Variants in PTPRZ1 observed in about 807,000 individuals in gnomAD.
The protein encoded by PTPRZ1 is receptor-type tyrosine-protein phosphatase zeta.
A neutral mutation model predicts 214.1 loss-of-function variants in PTPRZ1; 82 were observed. That is an observed-to-expected ratio of 0.38 (90% CI 0.32 to 0.46). The LOEUF (loss-of-function observed/expected upper bound fraction) is 0.46. Among genes scored for constraint, PTPRZ1 ranks in the 20% least tolerant of loss-of-function variants. PTPRZ1 has a pLI of 1.00. For missense variants in PTPRZ1, 2,603 were observed against 2,748.7 expected (o/e 0.95, Z 1.19); for synonymous variants, 945 against 987.9 (o/e 0.96, Z 0.81).
At chr7:122,033,679 C>A (rs546888928) in intron 15 of PTPRZ1, among the ~76,000 whole-genome samples, 340 of 151,844 alleles carry the variant, frequency 2.2e-3, no homozygotes, top group African/African-American at 7.6e-3. Flanking sequence ...TTTAAAGTAA[C>A]CCCCCAAAAA....
Position 122,010,751 on chromosome 7 carries a change from G to A in PTPRZ1, c.1705G>A (p.Glu569Lys). The A allele has an allele frequency of 6.2e-7, 1 of 1,614,032 alleles. No homozygotes were observed. Among genetic ancestry groups the A allele is most frequent in the Non-Finnish European group, 8.5e-7 (1 of 1,179,970 alleles). ...AAATACAGTTTCTATAACAGAATAT[G>A]AGGAGGAGAGTTTATTGACCAGTTT... is the stretch of plus-strand genomic sequence containing the variant. ...SLNTVSITEY[E>K]EESLLTSFKL... Residue 569 changes from glutamate to lysine, a missense_variant, in exon 12 of 30, where the codon GAG becomes AAG. Glu to Lys is a moderately conservative substitution (Grantham distance 56). Transcript: ENST00000393386.
intron 10 of PTPRZ1, among the ~76,000 whole-genome samples, chr7:121,998,777 A>G (rs1352000762): frequency 6.6e-6 from 1 of 152,200 alleles, no homozygotes. Flanking sequence ...ATGTATAATC[A>G]CATACATCTG....
intron 1 of PTPRZ1, among the ~76,000 whole-genome samples, chr7:121,895,643 A>G (rs552425989): frequency 6.6e-6 from 1 of 152,338 alleles, no homozygotes; most frequent in East Asian, 1.9e-4. Context: ...CTAGAAATAA[A>G]GATCTCTCAT....
intron 3 of PTPRZ1, among the ~76,000 whole-genome samples, chr7:121,968,639 T>C (rs1797118403): frequency 7.5e-6 from 1 of 132,662 alleles, no homozygotes; most frequent in Admixed American, 7.8e-5. Context: ...CCTATCTTTT[T>C]TTTTTTTTAA....
intron 23 of PTPRZ1, among the ~76,000 whole-genome samples, chr7:122,048,893 T>C (rs1792083093): frequency 6.6e-6 from 1 of 152,064 alleles, no homozygotes; most frequent in African/African-American, 2.4e-5. Context: ...AAATATAACT[T>C]TGATACCAAA....
intron 13 of PTPRZ1, among the ~76,000 whole-genome samples, chr7:122,023,718 A>AT (rs1799109666): frequency 7.5e-6 from 1 of 132,540 alleles, no homozygotes; most frequent in Non-Finnish European, 1.6e-5. Flanking sequence ...ATATAATTAT[A>AT]TATATTATAT....
At chr7:121,955,462 T>TTTG (rs1796674933) in intron 2 of PTPRZ1, among the ~76,000 whole-genome samples, 1 of 148,474 alleles carries the variant, frequency 6.7e-6, no homozygotes, top group Admixed American at 6.7e-5. Flanking sequence ...TGTTTGTTTG[T>TTTG]TTTGTTCTGC....
intron 1 of PTPRZ1, among the ~76,000 whole-genome samples, chr7:121,892,678 T>TCATATA (rs1448072042): frequency 9.9e-5 from 6 of 60,674 alleles, no homozygotes; most frequent in Non-Finnish European, 1.4e-4. Flanking sequence ...TTCAAGCATC[T>TCATATA]CATATATATA....
At chr7:121,884,926 A>G (rs1244743810) in intron 1 of PTPRZ1, among the ~76,000 whole-genome samples, 1 of 152,216 alleles carries the variant, frequency 6.6e-6, no homozygotes, top group Non-Finnish European at 1.5e-5. Flanking sequence ...GACCATTTGC[A>G]GTTGCATTCA....
intron 1 of PTPRZ1, among the ~76,000 whole-genome samples, chr7:121,917,306 G>A (rs1010779125): frequency 6.6e-6 from 1 of 152,174 alleles, no homozygotes; most frequent in Non-Finnish European, 1.5e-5. Context: ...TCATCAAAGT[G>A]TTTAATTTTT....
intron 23 of PTPRZ1, 93 bp from the exon 24 acceptor site, chr7:122,051,335 G>C (rs1792175413): frequency 3.8e-6 from 2 of 529,452 alleles, no homozygotes; most frequent in East Asian, 3.9e-5. Flanking sequence ...ATCTTGATTG[G>C]TGTGTGTGTG....
intron 2 of PTPRZ1, among the ~76,000 whole-genome samples, chr7:121,944,164 T>C (rs1014180258): frequency 6.6e-6 from 1 of 152,152 alleles, no homozygotes; most frequent in African/African-American, 2.4e-5. Flanking sequence ...CTGGCCTAGG[T>C]GGATCCAGCA....
At chr7:121,993,594 A>G (rs910459563) in intron 8 of PTPRZ1, among the ~76,000 whole-genome samples, 1 of 136,370 alleles carries the variant, frequency 7.3e-6, no homozygotes, top group Non-Finnish European at 1.6e-5. Flanking sequence ...AAAAAAAAAA[A>G]CACAAAACAA....
intron 2 of PTPRZ1, among the ~76,000 whole-genome samples, chr7:121,963,609 AG>A (rs1235476036): frequency 6.6e-6 from 1 of 152,056 alleles, no homozygotes; most frequent in Non-Finnish European, 1.5e-5. Flanking sequence ...AACTCCACCC[AG>A]GGGTGTGGTT....
At chr7:121,993,816 G>A (rs1376395615) in intron 8 of PTPRZ1, among the ~76,000 whole-genome samples, 2 of 151,890 alleles carry the variant, frequency 1.3e-5, no homozygotes, top group East Asian at 3.9e-4. Context: ...AGAAATATAG[G>A]CTTTTCTGTT....
intron 20 of PTPRZ1, among the ~76,000 whole-genome samples, chr7:122,039,985 A>AAAAAG (rs1415915694): frequency 6.6e-6 from 1 of 152,048 alleles, no homozygotes; most frequent in Non-Finnish European, 1.5e-5. Flanking sequence ...CTGTCAAAAA[A>AAAAAG]AAAAGAAAAG....
Position 122,061,137 on chromosome 7 carries a change from G to A in PTPRZ1, c.6865G>A (p.Glu2289Lys), listed in dbSNP as rs756791324. ...CAGCCTTGTGAGCACAAGGCAGGAA[G>A]AGAATCCATCCACCTCTCTGGACAG... ...ILSLVSTRQE[E>K]NPSTSLDSNG... The change falls in exon 30 of 30, where the codon GAG (glutamate) becomes AAG (lysine). Residue 2289 changes from glutamate (E) to lysine (K), a missense_variant. Around this residue, in one of 6 missense-constraint regions of PTPRZ1, gnomAD observed 165 missense variants for 151.4 expected, o/e 1.09. Coordinates refer to ENST00000393386, the MANE Select transcript of PTPRZ1 (RefSeq NM_002851.3). 98 of 1,609,832 alleles carry A rather than the reference G, an allele frequency of 6.1e-5. No individual in the cohort carries two copies. The highest frequency in any genetic ancestry group is 7.8e-5 in the Non-Finnish European group (92 of 1,177,294).
At chr7:121,990,174 T>C (rs762116787) in intron 8 of PTPRZ1, among the ~76,000 whole-genome samples, 5 of 152,162 alleles carry the variant, frequency 3.3e-5, no homozygotes, top group Non-Finnish European at 7.4e-5. Context: ...AAAGCTAGCA[T>C]AAAAATTGTC....
chr7:121,952,033 A>G (rs1159325152), intron 2 of PTPRZ1, among the ~76,000 whole-genome samples: 3 of 149,834 alleles, frequency 2.0e-5, no homozygotes, highest in Non-Finnish European at 2.9e-5. Flanking sequence ...ATCTCGGCTC[A>G]CTGCAAGCTC....
Sources: gnomAD v4.1 joint callset for allele counts (sites outside exome capture counted in the v4.1 genomes callset) on GRCh38, gnomAD v4.1.1 for gene constraint, gnomAD v4.1.1 regional missense constraint, MANE v1.5 for transcripts, NCBI Gene and HGNC (gene_info 2026-07-23, HGNC 2026-07-21) for gene names.